Variants in YIPF7 observed in about 807,000 individuals in gnomAD.
The protein encoded by YIPF7 is Yip1 domain family member 7.
A neutral mutation model predicts 27.2 loss-of-function variants in YIPF7; 35 were observed. That is an observed-to-expected ratio of 1.29 (90% CI 0.98 to 1.70). The LOEUF (loss-of-function observed/expected upper bound fraction) is 1.70, where lower values mean the gene tolerates loss of function less well. Among genes scored for constraint, YIPF7 ranks in the 40% most tolerant of loss-of-function variants. The pLI, the probability that YIPF7 is intolerant of heterozygous loss-of-function variation, is 0.00. For missense variants in YIPF7, 358 were observed against 303.7 expected (o/e 1.18, Z -1.33); for synonymous variants, 137 against 110.4 (o/e 1.24, Z -1.51).
At chr4:44,639,123 A>T (rs1449946507) in intron 2 of YIPF7, among the ~76,000 whole-genome samples, 1 of 152,122 alleles carries the variant, frequency 6.6e-6, no homozygotes, top group Non-Finnish European at 1.5e-5. Context: ...TCAGGTAATG[A>T]GATGCCTCCA....
intron 5 of YIPF7, among the ~76,000 whole-genome samples, chr4:44,624,339 C>T (rs113030976): frequency 0.059 from 9,011 of 152,194 alleles, 315 homozygotes; most frequent in East Asian, 0.15. Context: ...GCTGGGATTA[C>T]AAGCATGAGC....
upstream of YIPF7, chr4:44,651,656 T>TGTATTCTGAC: frequency 6.7e-7 from 1 of 1,502,698 alleles, no homozygotes; most frequent in Non-Finnish European, 9.0e-7. Context: ...GCTATATATA[T>TGTATTCTGAC]ACCTTTCTAA....
rs544729721 is a variant in YIPF7 at position 44,642,586 on chromosome 4, A to G, written c.117-6501T>C. Reference sequence around the variant, plus strand: ...GGATCTGTGTCCCCACCCAAATCTCATGTTGAAATGTAATCCCCAATGCTG... The same window carrying G: ...GGATCTGTGTCCCCACCCAAATCTCGTGTTGAAATGTAATCCCCAATGCTG... On this transcript the variant is annotated intron_variant, in intron 2 of 5. Transcript: ENST00000415895. Among the ~76,000 whole-genome samples the G allele has an allele frequency of 3.3e-5, 5 of 152,136 alleles. No homozygotes were observed. The South Asian group carries it at 1.0e-3, about 32-fold the overall frequency.
chr4:44,659,429 A>C (rs1197822821), intron 2 of YIPF7, among the ~76,000 whole-genome samples: 2 of 152,198 alleles, frequency 1.3e-5, no homozygotes, highest in African/African-American at 2.4e-5. Flanking sequence ...TCAGGGATAT[A>C]GAGACTACAC....
chr4:44,660,214 C>G (rs1002050681), intron 2 of YIPF7, among the ~76,000 whole-genome samples: 32 of 150,576 alleles, frequency 2.1e-4, no homozygotes, highest in African/African-American at 7.6e-4. Context: ...CAATTGAACA[C>G]TTTGCAATTT....
intron 1 of YIPF7, 64 bp from the exon 2 acceptor site, chr4:44,650,165 A>G (rs1713678568): frequency 9.0e-6 from 9 of 994,542 alleles, no homozygotes; most frequent in Non-Finnish European, 1.4e-5. Flanking sequence ...TGAGATATTT[A>G]CAAACATCAA....
At chr4:44,631,995 G>A (rs114782272) in intron 3 of YIPF7, among the ~76,000 whole-genome samples, 2,077 of 152,050 alleles carry the variant, frequency 0.014, 24 homozygotes, top group Middle Eastern at 0.031. Context: ...TGCTTCACAC[G>A]ACATCACACT....
intron 2 of YIPF7, among the ~76,000 whole-genome samples, chr4:44,637,540 T>C (rs990582544): frequency 3.3e-5 from 5 of 152,200 alleles, no homozygotes; most frequent in Admixed American, 6.5e-5. Context: ...CATTCGTATG[T>C]CTTCTTTTGA....
chr4:44,652,416 C>T (rs1276291944), upstream of YIPF7, among the ~76,000 whole-genome samples: 1 of 152,218 alleles, frequency 6.6e-6, no homozygotes, highest in Non-Finnish European at 1.5e-5. Context: ...CATGCTGATT[C>T]TCTTTTCTAG....
At chr4:44,632,996 C>T (rs573495029) in intron 3 of YIPF7, among the ~76,000 whole-genome samples, 1 of 152,306 alleles carries the variant, frequency 6.6e-6, no homozygotes, top group South Asian at 2.1e-4. Context: ...CAAGTATTAT[C>T]ACCTTAGCTC....
At chr4:44,643,014 G>C (rs978838507) in intron 2 of YIPF7, among the ~76,000 whole-genome samples, 1 of 152,168 alleles carries the variant, frequency 6.6e-6, no homozygotes, top group African/African-American at 2.4e-5. Context: ...TGTGGAAGTG[G>C]TTTTGGAACT....
chr4:44,644,460 C>T (rs1713453231), intron 2 of YIPF7, among the ~76,000 whole-genome samples: 1 of 152,192 alleles, frequency 6.6e-6, no homozygotes, highest in Non-Finnish European at 1.5e-5. Flanking sequence ...GACAAATTTG[C>T]TTTAAGATTT....
chr4:44,650,221 C>T, intron 1 of YIPF7, 120 bp from the exon 2 acceptor site: 1 of 699,406 alleles, frequency 1.4e-6, no homozygotes. Context: ...AAAAAGATGT[C>T]CTTTGAATGG....
intron 4 of YIPF7, among the ~76,000 whole-genome samples, chr4:44,624,991 G>A (rs1356246436): frequency 6.6e-6 from 1 of 152,098 alleles, no homozygotes; most frequent in Admixed American, 6.5e-5. Flanking sequence ...ACTAGAGTTA[G>A]GATGGGATAA....
chr4:44,627,471 T>G (rs1712702413), intron 4 of YIPF7, among the ~76,000 whole-genome samples: 1 of 152,188 alleles, frequency 6.6e-6, no homozygotes, highest in Non-Finnish European at 1.5e-5. Flanking sequence ...AAAATTCCTG[T>G]GTCAGCCGGT....
intron 2 of YIPF7, among the ~76,000 whole-genome samples, chr4:44,639,501 C>T (rs900663296): frequency 6.6e-6 from 1 of 151,976 alleles, no homozygotes; most frequent in African/African-American, 2.4e-5. Flanking sequence ...ACAGTTATTG[C>T]TGTATAGAAA....
rs143384336 is a variant in YIPF7, at chr4:44,656,895, T to C, written c.-2+3554A>G. Among the ~76,000 whole-genome samples the C allele has an allele frequency of 4.7e-3, 714 of 152,284 alleles. 6 individuals are homozygous for C. The highest frequency in any genetic ancestry group is 0.016 in the African/African-American group (665 of 41,574). On this transcript the variant is annotated intron_variant, in intron 2 of 2. Coordinates refer to the YIPF7 transcript ENST00000508947. ...AAAATTGACTTTATTGTCCAAGTAT[T>C]ACTTACTATTTTGACTAAAATCCTT...
chr4:44,652,268 A>G (rs557067390), upstream of YIPF7, among the ~76,000 whole-genome samples: 2 of 152,184 alleles, frequency 1.3e-5, no homozygotes, highest in African/African-American at 4.8e-5. Flanking sequence ...TCTCTGTATC[A>G]CTGGGTCACT....
intron 2 of YIPF7, 81 bp from the exon 3 acceptor site, chr4:44,636,166 C>T (rs1336940393): frequency 7.3e-7 from 1 of 1,371,892 alleles, no homozygotes; most frequent in African/African-American, 1.4e-5. Context: ...ATTTTACTTA[C>T]ATGAATTCAT....
Sources: gnomAD v4.1 joint callset for allele counts (sites outside exome capture counted in the v4.1 genomes callset) on GRCh38, gnomAD v4.1.1 for gene constraint, MANE v1.5 for transcripts, NCBI Gene and HGNC (gene_info 2026-07-23, HGNC 2026-07-21) for gene names.